The following NR3C1 variants were observed in gnomAD, a reference collection of about 807,000 sequenced individuals.
NR3C1 encodes nuclear receptor subfamily 3 group C member 1, also known as glucocorticoid receptor.
Under a neutral mutation model 74.0 loss-of-function variants are expected in NR3C1, and 14 were observed. The observed-to-expected ratio is 0.19, with a 90% confidence interval of 0.12 to 0.30. The LOEUF is 0.30. NR3C1 is among the 10% of genes least tolerant of loss of function. The probability of loss-of-function intolerance (pLI) is 1.00; values close to 1 mark genes in which losing one functional copy is unlikely to be tolerated. For synonymous variants in NR3C1, 308 were observed against 332.5 expected (o/e 0.93, Z 0.80); for missense variants, 695 against 909.8 (o/e 0.76, Z 3.04).
intron 2 of NR3C1, among the ~76,000 whole-genome samples, chr5:143,335,771 G>A (rs973366433): frequency 1.1e-4 from 17 of 152,036 alleles, no homozygotes; most frequent in African/African-American, 2.7e-4. Flanking sequence ...CCATTCTCCC[G>A]TTATTGGTCA....
At chr5:143,371,576 G>T (rs1262754953) in intron 2 of NR3C1, among the ~76,000 whole-genome samples, 1 of 152,172 alleles carries the variant, frequency 6.6e-6, no homozygotes, top group Non-Finnish European at 1.5e-5. Flanking sequence ...AAAGTATAAA[G>T]CAAAAAAACC....
intron 1 of NR3C1, among the ~76,000 whole-genome samples, chr5:143,415,266 C>T (rs567514387): frequency 1.9e-4 from 29 of 151,996 alleles, no homozygotes; most frequent in Non-Finnish European, 3.8e-4. Context: ...TATTCCAGAT[C>T]CCCCACCCCA....
chr5:143,300,425 G>A lies in NR3C1; in HGVS notation c.1747+60C>T. On this transcript the variant is annotated intron_variant, in intron 5 of 8. Coordinates refer to ENST00000394464, the MANE Select transcript of NR3C1 (RefSeq NM_000176.3). The surrounding 1 kb of genome is among the most constrained non-coding windows in gnomAD (Gnocchi z 5.2). ...CTCACGATGATATAAAAGCCAAAGT[G>A]TTTTTGCTGAAGAAAACACAAAGGT... 3 of 1,606,424 alleles carry A rather than the reference G, an allele frequency of 1.9e-6. No homozygotes were observed. The highest frequency in any genetic ancestry group is 1.1e-5 in the South Asian group (1 of 90,760).
At chr5:143,338,985 G>T (rs143333907) in intron 2 of NR3C1, among the ~76,000 whole-genome samples, 31 of 151,864 alleles carry the variant, frequency 2.0e-4, no homozygotes, top group Non-Finnish European at 2.5e-4. Flanking sequence ...AATACTTACC[G>T]ATGTATTAGA....
intron 4 of NR3C1, among the ~76,000 whole-genome samples, chr5:143,309,090 T>TTC (rs1554076500): frequency 4.6e-5 from 7 of 151,218 alleles, no homozygotes; most frequent in Non-Finnish European, 7.4e-5. Flanking sequence ...TTTTTTTTTT[T>TTC]CCAAGACGGA....
At chr5:143,403,950 G>A, upstream of NR3C1, 2 of 984,918 alleles carry the variant, frequency 2.0e-6, no homozygotes, top group Non-Finnish European at 2.4e-6. Context: ...CAACTCCCCA[G>A]GAAAAAGGGT....
chr5:143,394,339 ACTGT>A (rs963310366), intron 2 of NR3C1, among the ~76,000 whole-genome samples: 5 of 152,036 alleles, frequency 3.3e-5, no homozygotes, highest in Admixed American at 6.6e-5. Flanking sequence ...GGTTTAAGTG[ACTGT>A]CTAGCACTTG....
chr5:143,407,289 T>G (rs568173905), upstream of NR3C1: 40 of 152,346 alleles, frequency 2.6e-4, no homozygotes, highest in Admixed American at 2.6e-3. Flanking sequence ...TTTACTGGGT[T>G]ATTGTTGTGG....
chr5:143,303,102 TTAC>T (rs1378111555), intron 4 of NR3C1, among the ~76,000 whole-genome samples: 1 of 151,838 alleles, frequency 6.6e-6, no homozygotes, highest in Admixed American at 6.6e-5. Flanking sequence ...AAAGATGACA[TTAC>T]AAGAGATTCC....
intron 1 of NR3C1, among the ~76,000 whole-genome samples, chr5:143,432,926 A>G (rs970794020): frequency 6.6e-6 from 1 of 152,116 alleles, no homozygotes; most frequent in African/African-American, 2.4e-5. Flanking sequence ...CCTTTTCCCT[A>G]TTCAAACTTC....
intron 2 of NR3C1, among the ~76,000 whole-genome samples, chr5:143,372,885 A>G (rs1215896281): frequency 7.2e-5 from 11 of 152,210 alleles, no homozygotes; most frequent in Admixed American, 2.0e-4. Context: ...CAGAATACCA[A>G]AAAAAGTTTT....
chr5:143,403,830 C>T, upstream of NR3C1: 1 of 967,644 alleles, frequency 1.0e-6, no homozygotes, highest in Non-Finnish European at 1.2e-6. Context: ...CGGTCCCTGC[C>T]CCCACGCCCT....
intron 1 of NR3C1, among the ~76,000 whole-genome samples, chr5:143,426,729 G>A (rs1751548443): frequency 6.6e-6 from 1 of 152,174 alleles, no homozygotes; most frequent in Non-Finnish European, 1.5e-5. Flanking sequence ...AAAAATTAGT[G>A]GGTCAAATCC....
intron 2 of NR3C1, 28 bp from the exon 3 acceptor site, chr5:143,314,196 A>G: frequency 6.2e-7 from 1 of 1,610,158 alleles, no homozygotes. Flanking sequence ...CAGTGTTATG[A>G]TTTAACTGTC....
In NR3C1 at chr5:143,399,734, C is replaced by T. The variant is rs1302444319; in HGVS notation, c.1106G>A (p.Gly369Glu). The T allele has an allele frequency of 6.2e-7, 1 of 1,614,032 alleles. No homozygotes were observed. The highest frequency in any genetic ancestry group is 1.3e-5 in the African/African-American group (1 of 74,906). Residue 369 changes from glycine to glutamate, a missense_variant, in exon 2 of 9, where the codon GGA becomes GAA. This residue lies in a region of NR3C1 where 497 missense variants were observed against 489.5 expected (regional missense o/e 1.02). Coordinates refer to ENST00000394464, the MANE Select transcript of NR3C1 (RefSeq NM_000176.3). ...VGSENWNRCQ[G>E]SGDDNLTSLG... ...AGAAGTCAAGTTGTCATCTCCAGAT[C>T]CTTGGCACCTATTCCAATTTTCGGA... is the stretch of plus-strand genomic sequence containing the variant.
intron 2 of NR3C1, among the ~76,000 whole-genome samples, chr5:143,367,881 C>T (rs1046117466): frequency 3.3e-5 from 5 of 151,964 alleles, no homozygotes; most frequent in African/African-American, 1.2e-4. Context: ...TTTTTTCTTC[C>T]AGAAATGGAG....
chr5:143,344,111 T>C (rs1177257120), intron 2 of NR3C1, among the ~76,000 whole-genome samples: 2 of 152,192 alleles, frequency 1.3e-5, no homozygotes, highest in Non-Finnish European at 2.9e-5. Flanking sequence ...ACATAGTGCT[T>C]AGAATTTAAA....
intron 2 of NR3C1, chr5:143,332,925 C>A (rs1413755133): frequency 1.3e-6 from 2 of 1,556,796 alleles, no homozygotes; most frequent in Non-Finnish European, 1.8e-6. Context: ...CTGGGGATTT[C>A]CAAATCTGAA....
At chr5:143,338,699 G>C (rs1827641445) in intron 2 of NR3C1, among the ~76,000 whole-genome samples, 1 of 152,112 alleles carries the variant, frequency 6.6e-6, no homozygotes, top group African/African-American at 2.4e-5. Context: ...AAAATTAAAA[G>C]TTTACAAAGT....
Sources: allele counts gnomAD v4.1 joint callset (sites outside exome capture counted in the v4.1 genomes callset), GRCh38; gene constraint gnomAD v4.1.1; regional missense constraint gnomAD v4.1.1; non-coding constraint Gnocchi (gnomAD v3.1); transcripts MANE v1.5; gene names NCBI Gene and HGNC (gene_info 2026-07-23, HGNC 2026-07-21).